USH2A: variants seen among roughly 807,000 people sequenced by gnomAD.
USH2A encodes usherin, also known as Usher syndrome 2A (autosomal recessive, mild).
A neutral mutation model predicts 538.9 loss-of-function variants in USH2A; 443 were observed. The observed-to-expected ratio is 0.82, with a 90% CI of 0.76 to 0.89. The LOEUF (loss-of-function observed/expected upper bound fraction) is 0.89. Among genes scored for constraint, USH2A ranks in the 40% least tolerant of loss-of-function variants. The probability of loss-of-function intolerance (pLI) is 0.00; values close to 1 mark genes in which losing one functional copy is unlikely to be tolerated. For missense variants in USH2A, 6,633 were observed against 6,324.8 expected (o/e 1.05, Z -1.65); for synonymous variants, 2,413 against 2,273.5 (o/e 1.06, Z -1.75).
At chr1:215,914,829 C>G (rs989840020) in intron 38 of USH2A, among the ~76,000 whole-genome samples, 1 of 152,126 alleles carries the variant, frequency 6.6e-6, no homozygotes, top group Non-Finnish European at 1.5e-5. Flanking sequence ...TCAGCAACTG[C>G]TTTTGGATGA....
intron 32 of USH2A, among the ~76,000 whole-genome samples, chr1:216,011,471 G>T: frequency 6.6e-6 from 1 of 152,192 alleles, no homozygotes; most frequent in South Asian, 2.1e-4. Context: ...CCTGCTGATC[G>T]TGTCTGATTA....
chr1:215,823,914 G>A (rs1571721521), intron 47 of USH2A, among the ~76,000 whole-genome samples: 1 of 151,904 alleles, frequency 6.6e-6, no homozygotes, highest in East Asian at 1.9e-4. Flanking sequence ...TGTTAAATCT[G>A]TTGAGAAATG....
At chr1:215,797,812 C>T (rs1417753847) in intron 50 of USH2A, among the ~76,000 whole-genome samples, 1 of 152,076 alleles carries the variant, frequency 6.6e-6, no homozygotes, top group Non-Finnish European at 1.5e-5. Context: ...TGCCTATTAA[C>T]ACAGCATAGG....
intron 32 of USH2A, among the ~76,000 whole-genome samples, chr1:216,029,131 C>T (rs990916197): frequency 6.6e-5 from 10 of 151,832 alleles, no homozygotes; most frequent in East Asian, 5.8e-4. Context: ...ATTCATGGTA[C>T]GATAGCCAAA....
At chr1:215,800,155 T>C (rs1662281084) in intron 49 of USH2A, among the ~76,000 whole-genome samples, 1 of 152,170 alleles carries the variant, frequency 6.6e-6, no homozygotes, top group Admixed American at 6.6e-5. Context: ...CCCTTAAGGA[T>C]ACCTTCAAAA....
At chr1:215,707,536 CAGCTAAGGAA>C in intron 61 of USH2A, among the ~76,000 whole-genome samples, 1 of 152,258 alleles carries the variant, frequency 6.6e-6, no homozygotes, top group Admixed American at 6.5e-5. Context: ...GGAATAGGAA[CAGCTAAGGAA>C]AGCTAAGGAA....
At chr1:215,627,431 TC>T (rs879497797) in intron 71 of USH2A, among the ~76,000 whole-genome samples, 8,655 of 101,528 alleles carry the variant, frequency 0.085, 982 homozygotes, top group East Asian at 0.17. Flanking sequence ...CTTCCTTCCT[TC>T]CTTCCTTCCT....
intron 9 of USH2A, among the ~76,000 whole-genome samples, chr1:216,308,630 A>G (rs1480195106): frequency 2.6e-5 from 4 of 152,170 alleles, no homozygotes; most frequent in African/African-American, 9.7e-5. Flanking sequence ...CTTTTTATAA[A>G]AAGACATTTT....
rs80348592 is a variant in USH2A, at chr1:215,981,355, T to C, written c.6806-10579A>G. On this transcript the variant is annotated intron_variant, in intron 35 of 71. Coordinates refer to ENST00000307340, the MANE Select transcript of USH2A (RefSeq NM_206933.4). ...TAAATATCATCTCTCTTATTATTTATCTTTGTGGGCCCTTATAGTATATTT... is the reference window on the plus strand; with the variant it reads ...TAAATATCATCTCTCTTATTATTTACCTTTGTGGGCCCTTATAGTATATTT... 0.016 allele frequency among the ~76,000 whole-genome samples: 2,423 copies of C among 152,292 alleles called. 191 individuals are homozygous for C. In the South Asian group the frequency reaches 0.21, roughly 13 times the overall value.
At chr1:215,999,868 G>A (rs1235256655) in intron 33 of USH2A, among the ~76,000 whole-genome samples, 1 of 152,094 alleles carries the variant, frequency 6.6e-6, no homozygotes, top group Non-Finnish European at 1.5e-5. Context: ...GTCCAGAAGA[G>A]ATAAATATGA....
chr1:216,390,176 A>C lies in USH2A; in HGVS notation c.652-25091T>G, dbSNP rs116310043. Among the ~76,000 whole-genome samples the C allele has an allele frequency of 5.0e-3, 756 of 152,272 alleles. 4 individuals carry two copies. Among genetic ancestry groups the C allele is most frequent in the African/African-American group, 0.017 (726 of 41,564 alleles). On this transcript the variant is annotated intron_variant, in intron 3 of 71. Coordinates refer to ENST00000307340, the MANE Select transcript of USH2A (RefSeq NM_206933.4). Reference sequence around the variant, plus strand: ...AACCATAGATTCTAGGAAATATGGAAATGTGTGAGGAAAACGTGTTTGCTT... The same window carrying C: ...AACCATAGATTCTAGGAAATATGGACATGTGTGAGGAAAACGTGTTTGCTT...
chr1:216,250,601 G>C (rs2036139631), intron 12 of USH2A, among the ~76,000 whole-genome samples: 1 of 152,130 alleles, frequency 6.6e-6, no homozygotes, highest in Admixed American at 6.5e-5. Context: ...TTTTCTAAAA[G>C]AAACATCTAT....
intron 11 of USH2A, among the ~76,000 whole-genome samples, chr1:216,269,826 T>C (rs2036541511): frequency 6.6e-6 from 1 of 152,130 alleles, no homozygotes; most frequent in South Asian, 2.1e-4. Flanking sequence ...ATATGCACAG[T>C]CAACCGGGTG....
chr1:216,094,451 A>C (rs2032389680), intron 22 of USH2A, among the ~76,000 whole-genome samples: 1 of 152,176 alleles, frequency 6.6e-6, no homozygotes. Context: ...TAATTTTAGC[A>C]ACAAATGATT....
rs568853000 is a variant in USH2A at position 215,668,825 on chromosome 1, G to A, written c.14133+2147C>T. Among the ~76,000 whole-genome samples, 41 of 152,270 alleles carry A rather than the reference G, an allele frequency of 2.7e-4. No homozygotes were observed. In the South Asian group the frequency reaches 4.4e-3, roughly 16 times the overall value. On this transcript the variant is annotated intron_variant, in intron 64 of 71. Transcript: ENST00000307340. ...GCAGGCTGATCACTTGAGGTCAGGG[G>A]TTCAACATCAGCCTGGCCAATATGG... is the stretch of plus-strand genomic sequence containing the variant.
chr1:215,752,623 G>A (rs1475311989), intron 58 of USH2A, among the ~76,000 whole-genome samples: 3 of 152,170 alleles, frequency 2.0e-5, no homozygotes, highest in Middle Eastern at 3.4e-3. Flanking sequence ...CTTCCTTCAC[G>A]CTGCAAAAAG....
chr1:215,913,409 T>G (rs1665864378), intron 38 of USH2A, among the ~76,000 whole-genome samples: 1 of 152,064 alleles, frequency 6.6e-6, no homozygotes, highest in Non-Finnish European at 1.5e-5. Context: ...AAGTGGTATT[T>G]AAGTTTGGAC....
At chr1:215,689,945 G>T (rs1447944376) in intron 61 of USH2A, among the ~76,000 whole-genome samples, 1 of 152,158 alleles carries the variant, frequency 6.6e-6, no homozygotes, top group Non-Finnish European at 1.5e-5. Flanking sequence ...AAGCTACTAA[G>T]TTTGTTGTAC....
At position 215,799,205 on chromosome 1, in the gene USH2A, A is replaced by G. The variant is rs1357020802; in HGVS notation, c.9740-80T>C. On this transcript the variant is annotated intron_variant, in intron 49 of 71. Transcript: ENST00000307340. Reference sequence around the variant, plus strand: ...CTAACAATTAACTTTTATCACAATCATCTTGCAGATCCCAACTGATTGACA... The same window carrying G: ...CTAACAATTAACTTTTATCACAATCGTCTTGCAGATCCCAACTGATTGACA... The G allele has an allele frequency of 6.4e-6, 9 of 1,397,382 alleles. 1 individual carries two copies. In the East Asian group the frequency reaches 9.9e-5, roughly 15 times the overall value. 86.6% of individuals were successfully genotyped at this position (1,397,382 alleles called of 1,614,324 possible).
Sources: gnomAD v4.1 joint callset for allele counts (sites outside exome capture counted in the v4.1 genomes callset) on GRCh38, gnomAD v4.1.1 for gene constraint, MANE v1.5 for transcripts, NCBI Gene and HGNC (gene_info 2026-07-23, HGNC 2026-07-21) for gene names.